SEMA3A: variants seen among roughly 807,000 people sequenced by gnomAD.
SEMA3A encodes the protein semaphorin-3A.
A neutral mutation model predicts 97.9 loss-of-function variants in SEMA3A; 29 were observed. The ratio of observed to expected loss-of-function variants is 0.30; its 90% CI spans 0.22 to 0.40. The LOEUF (loss-of-function observed/expected upper bound fraction) is 0.40, where lower values mean the gene tolerates loss of function less well. Among genes scored for constraint, SEMA3A ranks in the 10% least tolerant of loss-of-function variants. The probability of loss-of-function intolerance (pLI) is 1.00; values close to 1 mark genes in which losing one functional copy is unlikely to be tolerated. For synonymous variants in SEMA3A, 321 were observed against 323.7 expected (o/e 0.99, Z 0.09); for missense variants, 763 against 951.3 (o/e 0.80, Z 2.60).
chr7:84,446,568 T>C (rs765292283), intron 1 of SEMA3A, among the ~76,000 whole-genome samples: 4 of 152,132 alleles, frequency 2.6e-5, no homozygotes, highest in South Asian at 2.1e-4. Context: ...GAATAAAAAG[T>C]CATCTTAAGA....
intron 3 of SEMA3A, among the ~76,000 whole-genome samples, chr7:84,267,613 A>G (rs1459566260): frequency 3.3e-5 from 5 of 152,076 alleles, no homozygotes; most frequent in African/African-American, 1.2e-4. Flanking sequence ...AGTTTTGATA[A>G]AAATGAAGAC....
chr7:84,481,812 G>T (rs999183293), intron 1 of SEMA3A, among the ~76,000 whole-genome samples: 1 of 151,730 alleles, frequency 6.6e-6, no homozygotes, highest in Non-Finnish European at 1.5e-5. Context: ...TTTGTGATAA[G>T]CACTCAAAAG....
intron 4 of SEMA3A, among the ~76,000 whole-genome samples, chr7:84,076,430 T>A (rs1793952107): frequency 6.6e-6 from 1 of 152,134 alleles, no homozygotes; most frequent in Non-Finnish European, 1.5e-5. Context: ...GAAACAGTAG[T>A]TAGTGGAGAG....
intron 3 of SEMA3A, among the ~76,000 whole-genome samples, chr7:84,267,571 T>C (rs1372879887): frequency 1.3e-5 from 2 of 152,246 alleles, no homozygotes; most frequent in Non-Finnish European, 2.9e-5. Flanking sequence ...CATGTAGGCC[T>C]ATACTTGAAA....
rs570720232 is a variant in SEMA3A, at chr7:84,385,204, C to T, written c.-245-13304G>A. Reference sequence around the variant, plus strand: ...TAGTCCATAGACGTTTTGGTTCTAGCAAGGAGGCATTGTGAGGGGTGCTGA... The same window carrying T: ...TAGTCCATAGACGTTTTGGTTCTAGTAAGGAGGCATTGTGAGGGGTGCTGA... On this transcript the variant is annotated intron_variant, in intron 1 of 3. Transcript: ENST00000424555. Among the ~76,000 whole-genome samples, 6 of 152,158 alleles carry T rather than the reference C, an allele frequency of 3.9e-5. No individual in the cohort carries two copies. The South Asian group carries it at 1.2e-3, about 32-fold the overall frequency.
intron 12 of SEMA3A, among the ~76,000 whole-genome samples, chr7:83,996,972 T>G (rs1304217782): frequency 6.6e-6 from 1 of 152,172 alleles, no homozygotes; most frequent in Non-Finnish European, 1.5e-5. Context: ...TCATCCCAAA[T>G]AAAAGTATAT....
In SEMA3A at chr7:84,194,691, G is replaced by T; in HGVS notation, c.-105C>A. The T allele has an allele frequency of 1.4e-6, 1 of 704,328 alleles. No individual in the cohort carries two copies. The highest frequency in any genetic ancestry group is 2.5e-6 in the Non-Finnish European group (1 of 396,004). The allele number at this position is 704,328 out of a possible 1,614,324, so 43.6% of individuals were successfully genotyped here. On this transcript the variant is annotated 5_prime_UTR_variant, in exon 1 of 17. Coordinates refer to ENST00000265362, the MANE Select transcript of SEMA3A (RefSeq NM_006080.3). ...AAACTGGAGGTAACAGGTGATTTAG[G>T]TCAGTTTCATTCATAAATGCAGACA...
At chr7:84,139,731 T>C (rs888280042) in intron 1 of SEMA3A, among the ~76,000 whole-genome samples, 4 of 152,080 alleles carry the variant, frequency 2.6e-5, no homozygotes, top group African/African-American at 9.7e-5. Context: ...GTGATGTAGT[T>C]TCACAAAGTA....
intron 6 of SEMA3A, among the ~76,000 whole-genome samples, chr7:84,019,095 C>T (rs58241289): frequency 0.26 from 38,751 of 151,912 alleles, 5,799 homozygotes; most frequent in East Asian, 0.42. Context: ...GAAAATAGAA[C>T]TGATGAATTA....
At chr7:84,413,829 T>C (rs1319145964) in intron 1 of SEMA3A, among the ~76,000 whole-genome samples, 1 of 152,126 alleles carries the variant, frequency 6.6e-6, no homozygotes, top group Non-Finnish European at 1.5e-5. Context: ...AAATATAACG[T>C]AGTGAAAATA....
intron 1 of SEMA3A, among the ~76,000 whole-genome samples, chr7:84,427,511 G>A (rs974811595): frequency 6.6e-6 from 1 of 151,668 alleles, no homozygotes; most frequent in Non-Finnish European, 1.5e-5. Context: ...GCTGGGAATG[G>A]TGGGAGGAGC....
At chr7:84,040,934 C>T (rs1375010052) in intron 6 of SEMA3A, among the ~76,000 whole-genome samples, 1 of 152,026 alleles carries the variant, frequency 6.6e-6, no homozygotes, top group East Asian at 1.9e-4. Context: ...TATAATAATA[C>T]TTCTAAATCT....
intron 3 of SEMA3A, among the ~76,000 whole-genome samples, chr7:84,226,189 A>T (rs1251417160): frequency 6.6e-6 from 1 of 152,108 alleles, no homozygotes; most frequent in Non-Finnish European, 1.5e-5. Context: ...ATTAAACAAG[A>T]CATTCTGTCC....
intron 1 of SEMA3A, among the ~76,000 whole-genome samples, chr7:84,170,525 A>T (rs564116356): frequency 5.3e-5 from 8 of 152,148 alleles, no homozygotes; most frequent in Non-Finnish European, 1.0e-4. Context: ...TGTAACAATC[A>T]TATGAGATAA....
intron 1 of SEMA3A, among the ~76,000 whole-genome samples, chr7:84,401,310 G>T (rs1188235998): frequency 6.6e-6 from 1 of 151,944 alleles, no homozygotes; most frequent in African/African-American, 2.4e-5. Flanking sequence ...AAAAGTGAGA[G>T]ATCTCTACAG....
chr7:84,109,852 CCTTTT>C (rs1382658956), intron 4 of SEMA3A, among the ~76,000 whole-genome samples: 2 of 152,144 alleles, frequency 1.3e-5, no homozygotes, highest in Non-Finnish European at 2.9e-5. Flanking sequence ...ACATTAGCAA[CCTTTT>C]CTTTATCTTG....
At chr7:84,473,905 T>A (rs1452165803) in intron 1 of SEMA3A, among the ~76,000 whole-genome samples, 1 of 152,138 alleles carries the variant, frequency 6.6e-6, no homozygotes, top group African/African-American at 2.4e-5. Context: ...ATAGTTCTAT[T>A]TTCCATACCT....
At chr7:84,327,489 C>T (rs867529683) in intron 2 of SEMA3A, among the ~76,000 whole-genome samples, 1 of 151,596 alleles carries the variant, frequency 6.6e-6, no homozygotes, top group Non-Finnish European at 1.5e-5. Flanking sequence ...AGAATTATAC[C>T]AGGATTTTTT....
chr7:84,369,508 A>T (rs1802925972), intron 2 of SEMA3A, among the ~76,000 whole-genome samples: 1 of 151,276 alleles, frequency 6.6e-6, no homozygotes, highest in African/African-American at 2.4e-5. Context: ...TTGGTACGAA[A>T]GAAGAATCTA....
Sources: allele counts gnomAD v4.1 joint callset (sites outside exome capture counted in the v4.1 genomes callset), GRCh38; gene constraint gnomAD v4.1.1; transcripts MANE v1.5; gene names NCBI Gene and HGNC (gene_info 2026-07-23, HGNC 2026-07-21).